Variants in MGAT4C observed in about 807,000 individuals in gnomAD.
The protein encoded by MGAT4C is MGAT4 family member C, also known as alpha-1,3-mannosyl-glycoprotein 4-beta-N-acetylglucosaminyltransferase C.
A neutral mutation model predicts 40.1 loss-of-function variants in MGAT4C; 19 were observed. The ratio of observed to expected loss-of-function variants is 0.47; its 90% confidence interval spans 0.33 to 0.70. The LOEUF (loss-of-function observed/expected upper bound fraction) is 0.70. MGAT4C is among the 30% of genes least tolerant of loss of function. The probability of loss-of-function intolerance (pLI) is 0.02; values close to 1 mark genes in which losing one functional copy is unlikely to be tolerated. For missense variants in MGAT4C, 491 were observed against 563.2 expected, an observed-to-expected ratio of 0.87 and a Z score of 1.30; for synonymous variants, 181 against 187.1, an observed-to-expected ratio of 0.97 and a Z score of 0.27.
intron 1 of MGAT4C, among the ~76,000 whole-genome samples, chr12:86,819,878 TAATA>T (rs1952676512): frequency 6.7e-6 from 1 of 149,892 alleles, no homozygotes; most frequent in Non-Finnish European, 1.5e-5. Context: ...GGGTAATGCT[TAATA>T]AGAATGAGTA....
At chr12:86,770,804 A>G (rs1212394990) in intron 1 of MGAT4C, among the ~76,000 whole-genome samples, 1 of 152,156 alleles carries the variant, frequency 6.6e-6, no homozygotes, top group Non-Finnish European at 1.5e-5. Flanking sequence ...TAATTTTGGA[A>G]TTAAGTGTAT....
At chr12:86,158,697 A>G (rs1357646938) in intron 1 of MGAT4C, among the ~76,000 whole-genome samples, 1 of 152,158 alleles carries the variant, frequency 6.6e-6, no homozygotes, top group African/African-American at 2.4e-5. Flanking sequence ...ACCATTAGAG[A>G]AAATTAAATA....
chr12:86,112,452 C>T (rs1877618880), intron 1 of MGAT4C, among the ~76,000 whole-genome samples: 1 of 151,556 alleles, frequency 6.6e-6, no homozygotes, highest in African/African-American at 2.4e-5. Flanking sequence ...GACAGCATTG[C>T]CCCCTTCCTT....
chr12:86,201,498 C>T (rs927362616), intron 1 of MGAT4C, among the ~76,000 whole-genome samples: 33 of 148,346 alleles, frequency 2.2e-4, no homozygotes, highest in South Asian at 4.2e-4. Flanking sequence ...AAAATATTTA[C>T]GTTTTATCAT....
At chr12:86,155,914 C>G (rs189234116) in intron 1 of MGAT4C, among the ~76,000 whole-genome samples, 30 of 152,276 alleles carry the variant, frequency 2.0e-4, no homozygotes, top group Non-Finnish European at 1.5e-5. Context: ...TGGAGGCTAA[C>G]TTACACATTT....
rs146110032 is a variant in MGAT4C, at chr12:86,129,931, G to A, written c.-56-80208C>T. ...TCTACCCCTACAACATAAAGCACAT[G>A]CACTGTGTGAAAAATGCCTGAGACA... On this transcript the variant is annotated intron_variant, in intron 1 of 4. Transcript: ENST00000611864. Among the ~76,000 whole-genome samples, 781 of 152,254 alleles carry A rather than the reference G, an allele frequency of 5.1e-3. 4 individuals are homozygous for A. Among genetic ancestry groups the A allele is most frequent in the Middle Eastern group, 0.01 (3 of 294 alleles).
At chr12:86,128,684 G>A (rs1880696456) in intron 1 of MGAT4C, among the ~76,000 whole-genome samples, 2 of 152,288 alleles carry the variant, frequency 1.3e-5, no homozygotes, top group African/African-American at 4.8e-5. Flanking sequence ...ATAAGCTACA[G>A]AAGACCAAAA....
chr12:86,141,983 A>T (rs570931484), intron 1 of MGAT4C, among the ~76,000 whole-genome samples: 5 of 152,084 alleles, frequency 3.3e-5, no homozygotes, highest in Admixed American at 6.6e-5. Context: ...CTTTTCTTAC[A>T]GGGGAGTGGT....
At chr12:86,115,186 T>C (rs754710033) in intron 1 of MGAT4C, among the ~76,000 whole-genome samples, 9 of 151,980 alleles carry the variant, frequency 5.9e-5, no homozygotes, top group Non-Finnish European at 1.3e-4. Context: ...AAGATAAGGT[T>C]GTTAATGAAT....
intron 2 of MGAT4C, among the ~76,000 whole-genome samples, chr12:86,003,994 A>C (rs368532787): frequency 6.6e-6 from 1 of 152,150 alleles, no homozygotes; most frequent in Admixed American, 6.5e-5. Flanking sequence ...GAGAGCTTGC[A>C]ATTTAAAAGC....
intron 2 of MGAT4C, among the ~76,000 whole-genome samples, chr12:86,539,022 CTTTT>C (rs933889531): frequency 6.6e-6 from 1 of 151,676 alleles, no homozygotes; most frequent in African/African-American, 2.4e-5. Flanking sequence ...ATTCTAAAAA[CTTTT>C]TTTTAATTAT....
chr12:86,456,457 A>G lies in MGAT4C; in HGVS notation c.-228-21192T>C, dbSNP rs866168404. ...AAACCATCCTTGTAAACATGATCAT[A>G]TTACTGCCTGGAGCTAAATGATTCA... is the stretch of plus-strand genomic sequence containing the variant. On this transcript the variant is annotated intron_variant, in intron 2 of 7. Transcript: ENST00000548651. Among the ~76,000 whole-genome samples, 135 of 152,242 alleles carry G rather than the reference A, an allele frequency of 8.9e-4. 1 individual carries two copies. The highest frequency in any genetic ancestry group is 3.2e-3 in the African/African-American group (132 of 41,576).
chr12:86,493,554 A>C (rs1958178843), intron 2 of MGAT4C, among the ~76,000 whole-genome samples: 1 of 151,208 alleles, frequency 6.6e-6, no homozygotes, highest in Admixed American at 6.6e-5. Context: ...AGGACAAAAA[A>C]CCAAACACTG....
intron 1 of MGAT4C, among the ~76,000 whole-genome samples, chr12:86,201,031 C>T (rs892050886): frequency 2.6e-5 from 4 of 152,124 alleles, no homozygotes; most frequent in Non-Finnish European, 4.4e-5. Context: ...TCCAGAACTA[C>T]AAGAAAATAA....
chr12:86,110,300 CTA>C (rs1212728296), intron 1 of MGAT4C, among the ~76,000 whole-genome samples: 3 of 12,224 alleles, frequency 2.5e-4, no homozygotes, highest in Admixed American at 1.3e-3. Flanking sequence ...TATAGTCTCT[CTA>C]TATATATATA....
chr12:86,344,725 T>C (rs1183680072), intron 3 of MGAT4C, among the ~76,000 whole-genome samples: 2 of 108,088 alleles, frequency 1.9e-5, no homozygotes, highest in Non-Finnish European at 3.9e-5. Flanking sequence ...TCGGTGTGTG[T>C]GTGTGTGTGT....
At chr12:86,090,972 T>C (rs1347278908) in intron 1 of MGAT4C, among the ~76,000 whole-genome samples, 1 of 151,944 alleles carries the variant, frequency 6.6e-6, no homozygotes, top group Non-Finnish European at 1.5e-5. Flanking sequence ...TTACTTGTAA[T>C]GATTTATATA....
chr12:86,340,708 C>T (rs2136183060), intron 3 of MGAT4C, among the ~76,000 whole-genome samples: 1 of 152,154 alleles, frequency 6.6e-6, no homozygotes, highest in South Asian at 2.1e-4. Context: ...TTGGAAATAA[C>T]ACAGGTTATA....
At chr12:86,288,005 T>C (rs1016696166) in intron 4 of MGAT4C, among the ~76,000 whole-genome samples, 1 of 152,094 alleles carries the variant, frequency 6.6e-6, no homozygotes, top group Non-Finnish European at 1.5e-5. Context: ...ATCCTCTCCA[T>C]CATCTGTTGT....
Sources: gnomAD v4.1 joint callset for allele counts (sites outside exome capture counted in the v4.1 genomes callset) on GRCh38, gnomAD v4.1.1 for gene constraint, MANE v1.5 for transcripts, NCBI Gene and HGNC (gene_info 2026-07-23, HGNC 2026-07-21) for gene names.